Variants in DPYD observed in about 807,000 individuals in gnomAD.
DPYD encodes dihydropyrimidine dehydrogenase [NADP(+)].
DPYD carries 109 observed loss-of-function variants against 116.2 expected under a neutral mutation model. The ratio of observed to expected loss-of-function variants is 0.94; its 90% CI spans 0.80 to 1.10. DPYD has a LOEUF of 1.10. Ranked by LOEUF, DPYD falls within the 50% of genes least tolerant of loss-of-function variation. The pLI is 0.00. For synonymous variants in DPYD, 440 were observed against 432.0 expected, an observed-to-expected ratio of 1.02 and a Z score of -0.23; for missense variants, 1,302 against 1,254.5, an observed-to-expected ratio of 1.04 and a Z score of -0.57.
At chr1:97,480,699 G>A (rs938314092) in intron 13 of DPYD, among the ~76,000 whole-genome samples, 3 of 152,160 alleles carry the variant, frequency 2.0e-5, no homozygotes, top group African/African-American at 4.8e-5. Flanking sequence ...ATTATAAAAA[G>A]GCTGGGCACG....
intron 11 of DPYD, among the ~76,000 whole-genome samples, chr1:97,564,947 T>C (rs1652412055): frequency 6.6e-6 from 1 of 152,084 alleles, no homozygotes; most frequent in African/African-American, 2.4e-5. Context: ...ACAGTCAGGG[T>C]GTCGCATTGT....
At chr1:97,301,910 G>GA (rs35282661) in intron 18 of DPYD, among the ~76,000 whole-genome samples, 41,632 of 151,192 alleles carry the variant, frequency 0.28, 5,971 homozygotes, top group Middle Eastern at 0.38. Flanking sequence ...AATGAAGTCA[G>GA]AAAAAAAGGT....
At chr1:97,470,823 C>T (rs2101851072) in intron 13 of DPYD, among the ~76,000 whole-genome samples, 1 of 152,182 alleles carries the variant, frequency 6.6e-6, no homozygotes, top group African/African-American at 2.4e-5. Flanking sequence ...CATAGCGAAA[C>T]CCCATCAAGT....
chr1:97,389,631 G>A (rs536008614), intron 14 of DPYD, among the ~76,000 whole-genome samples: 18 of 151,918 alleles, frequency 1.2e-4, no homozygotes, highest in African/African-American at 3.1e-4. Flanking sequence ...ATTCTGCTTC[G>A]TAGAAAATAC....
intron 7 of DPYD, among the ~76,000 whole-genome samples, chr1:97,684,759 T>A (rs1166056605): frequency 1.3e-5 from 2 of 152,146 alleles, no homozygotes; most frequent in African/African-American, 4.8e-5. Flanking sequence ...AATGGATAAA[T>A]TCCTGGACAC....
At chr1:97,767,530 C>T (rs1266237318) in intron 3 of DPYD, among the ~76,000 whole-genome samples, 2 of 152,032 alleles carry the variant, frequency 1.3e-5, no homozygotes, top group Non-Finnish European at 2.9e-5. Flanking sequence ...CCTATGTGAG[C>T]GACTCCTAAT....
chr1:97,545,900 A>T (rs1650811112), intron 12 of DPYD: 2 of 1,076,336 alleles, frequency 1.9e-6, no homozygotes, highest in South Asian at 2.5e-5. Flanking sequence ...TATAAAATTT[A>T]AACTATCCAG....
At chr1:97,416,661 A>G (rs754320300) in intron 14 of DPYD, among the ~76,000 whole-genome samples, 12 of 152,240 alleles carry the variant, frequency 7.9e-5, no homozygotes, top group Middle Eastern at 3.2e-3. Context: ...GGTGAAACAG[A>G]AAAGAATTCT....
chr1:97,135,674 TTTTC>T (rs1415358987), intron 20 of DPYD, among the ~76,000 whole-genome samples: 1 of 152,182 alleles, frequency 6.6e-6, no homozygotes, highest in Non-Finnish European at 1.5e-5. Context: ...ATAGTGTCTT[TTTTC>T]TTTCCAAGTA....
chr1:97,731,823 A>G (rs1331930494), intron 4 of DPYD, among the ~76,000 whole-genome samples: 1 of 151,974 alleles, frequency 6.6e-6, no homozygotes. Context: ...TTGTCTTAAT[A>G]TTGTAAAAGA....
chr1:97,176,204 G>A (rs1162195815), intron 20 of DPYD, among the ~76,000 whole-genome samples: 1 of 152,216 alleles, frequency 6.6e-6, no homozygotes, highest in Non-Finnish European at 1.5e-5. Flanking sequence ...AATCAGAAAA[G>A]TGGGGGGAGA....
At chr1:97,466,304 T>G (rs982109181) in intron 13 of DPYD, among the ~76,000 whole-genome samples, 22 of 152,314 alleles carry the variant, frequency 1.4e-4, no homozygotes, top group Non-Finnish European at 2.2e-4. Flanking sequence ...AAATACTGAT[T>G]GAGACCCTAT....
intron 18 of DPYD, chr1:97,295,521 C>T (rs1666472646): frequency 6.6e-6 from 1 of 152,318 alleles, no homozygotes; most frequent in African/African-American, 2.4e-5. Flanking sequence ...GCATCGACCT[C>T]CCAGACTGAA....
At chr1:97,183,387 C>T (rs1657779529) in intron 20 of DPYD, among the ~76,000 whole-genome samples, 1 of 152,032 alleles carries the variant, frequency 6.6e-6, no homozygotes, top group African/African-American at 2.4e-5. Flanking sequence ...ATTGCTTTTG[C>T]ACCCCTGTCA....
chr1:97,439,010 T>C (rs1675611965), intron 14 of DPYD, among the ~76,000 whole-genome samples: 1 of 152,140 alleles, frequency 6.6e-6, no homozygotes, highest in Admixed American at 6.5e-5. Context: ...AGTTGTAGGC[T>C]TTGTTGTACA....
At chr1:97,168,929 C>G (rs1656519157) in intron 20 of DPYD, among the ~76,000 whole-genome samples, 1 of 151,824 alleles carries the variant, frequency 6.6e-6, no homozygotes, top group Non-Finnish European at 1.5e-5. Context: ...TCACTGCAAC[C>G]TCCACCTCAC....
intron 1 of DPYD, among the ~76,000 whole-genome samples, chr1:97,893,429 C>CGCATAT (rs71590235): frequency 2.8e-5 from 2 of 71,906 alleles, no homozygotes; most frequent in African/African-American, 5.7e-5. Context: ...ATATCCATCG[C>CGCATAT]ATATATATAT....
chr1:97,534,813 A>T (rs1649876240), intron 12 of DPYD, among the ~76,000 whole-genome samples: 1 of 152,076 alleles, frequency 6.6e-6, no homozygotes, highest in Non-Finnish European at 1.5e-5. Flanking sequence ...TTTGCACACA[A>T]TGTGAATGCT....
chr1:97,549,592 G>T lies in DPYD; in HGVS notation c.1492C>A (p.Gln498Lys), dbSNP rs1382838576. Reference protein sequence around the residue: ...TTVESVNDGKQASWYIHKYVQ... With the variant: ...TTVESVNDGKKASWYIHKYVQ... ...TATTTGTGAATGTACCAAGAAGCTT[G>T]CTTTCCATCATTCACCGATTCCACT... The change falls in exon 12 of 23, where the codon CAA becomes AAA. Residue 498 changes from glutamine (Q) to lysine (K), a missense_variant. Gln to Lys is a moderately conservative substitution (Grantham distance 53, BLOSUM62 1). Coordinates refer to ENST00000370192, the MANE Select transcript of DPYD (RefSeq NM_000110.4). The T allele has an allele frequency of 7.4e-6, 12 of 1,613,708 alleles. No individual in the cohort carries two copies. Among genetic ancestry groups the T allele is most frequent in the Non-Finnish European group, 1.0e-5 (12 of 1,179,850 alleles).
Sources: gnomAD v4.1 joint callset for allele counts (sites outside exome capture counted in the v4.1 genomes callset) on GRCh38, gnomAD v4.1.1 for gene constraint, MANE v1.5 for transcripts, NCBI Gene and HGNC (gene_info 2026-07-23, HGNC 2026-07-21) for gene names.